The following ABCA9 variants were observed in gnomAD, a reference collection of about 807,000 sequenced individuals.
ABCA9 encodes ATP-binding cassette sub-family A member 9.
ABCA9 carries 183 observed loss-of-function variants against 205.3 expected under a neutral mutation model. The ratio of observed to expected loss-of-function variants is 0.89; its 90% CI spans 0.79 to 1.01. The LOEUF (loss-of-function observed/expected upper bound fraction) is 1.01. Among genes scored for constraint, ABCA9 ranks in the 50% least tolerant of loss-of-function variants. ABCA9 has a pLI of 0.00. For synonymous variants in ABCA9, 651 were observed against 683.3 expected (o/e 0.95, Z 0.74); for missense variants, 1,805 against 1,912.4 (o/e 0.94, Z 1.05).
chr17:68,989,848 AT>A lies in ABCA9; in HGVS notation c.3919del (p.Ile1307LeufsTer16), dbSNP rs1342264154. ...ACAAAAAGAGACATTTCTTGTGGCA[AT>A]TTTTTTCTTCCTTTTAGAAAAGCAA... ...KNCFSKRKKK[I>X]ATRNVSFCVK... On this transcript the variant is annotated frameshift_variant, in exon 30 of 39. Coordinates refer to ENST00000340001, the MANE Select transcript of ABCA9 (RefSeq NM_080283.4). LOFTEE classifies it high-confidence loss of function. 6.2e-7 allele frequency: 1 copy of A among 1,610,176 alleles called. No individual in the cohort carries two copies. Among genetic ancestry groups the A allele is most frequent in the Non-Finnish European group, 8.5e-7 (1 of 1,176,702 alleles).
At position 68,992,996 on chromosome 17, in the gene ABCA9, GA is replaced by G. The variant is rs752883559; in HGVS notation, c.3624+19del. On this transcript the variant is annotated intron_variant, in intron 27 of 38. Transcript: ENST00000340001. ...TTGTGTTCCCTCATGCAAGAATGTT[GA>G]AAAAAAAAGTCTTCTTACTATTAGC... 7.5e-5 allele frequency: 117 copies of G among 1,564,088 alleles called. No homozygotes were observed. Among genetic ancestry groups the G allele is most frequent in the African/African-American group, 1.4e-4 (10 of 72,176 alleles).
rs1401684099 is a variant in ABCA9 at position 69,014,320 on chromosome 17, T to A, written c.3039+1933A>T. Among the ~76,000 whole-genome samples, 10 of 151,684 alleles carry A rather than the reference T, an allele frequency of 6.6e-5. No homozygotes were observed. In the East Asian group the frequency reaches 1.9e-3, roughly 29 times the overall value. ...CACAGAGTTTATTAAAAACATTGAA[T>A]AAAAATATCTTCAGGCTCTGTGTAA... On this transcript the variant is annotated intron_variant, in intron 22 of 38. Transcript: ENST00000340001.
At chr17:69,017,868 C>T in intron 20 of ABCA9, 79 bp from the exon 21 acceptor site, 1 of 1,478,568 alleles carries the variant, frequency 6.8e-7, no homozygotes, top group East Asian at 2.3e-5. Context: ...CATTACATCA[C>T]ACAAAGCATA....
chr17:69,059,865 A>G (rs1414084152), intron 1 of ABCA9, among the ~76,000 whole-genome samples: 1 of 152,066 alleles, frequency 6.6e-6, no homozygotes, highest in Admixed American at 6.5e-5. Flanking sequence ...AAAGAAATTC[A>G]CCAGTGATGC....
At chr17:69,070,914 T>A in the ABCA9 span, among the ~76,000 whole-genome samples, 1,568 of 152,228 alleles carry the variant, frequency 0.01, 20 homozygotes, top group African/African-American at 0.035. Flanking sequence ...GGGAGGGGTG[T>A]CTGCCATTAC....
intron 2 of ABCA9, among the ~76,000 whole-genome samples, chr17:69,050,783 G>A (rs2071878009): frequency 6.6e-6 from 1 of 151,620 alleles, no homozygotes; most frequent in African/African-American, 2.4e-5. Context: ...ATTTTTCAAG[G>A]AGTTTCTGAA....
In ABCA9 at chr17:69,016,670, C is replaced by T. The variant is rs189978588; in HGVS notation, c.2902-280G>A. On this transcript the variant is annotated intron_variant, in intron 21 of 38. Transcript: ENST00000340001. ...CAAATGATATTTAGCAGCAACACTA[C>T]GAAACTCCATAGTGCAACCTCAGTT... is the stretch of plus-strand genomic sequence containing the variant. Among the ~76,000 whole-genome samples the T allele has an allele frequency of 1.5e-4, 23 of 152,206 alleles. No individual in the cohort carries two copies. The South Asian group carries it at 2.5e-3, about 16-fold the overall frequency.
intron 3 of ABCA9, 93 bp downstream of exon 3, chr17:69,049,190 T>C (rs2071818077): frequency 7.6e-7 from 1 of 1,319,694 alleles, no homozygotes; most frequent in African/African-American, 1.5e-5. Context: ...CTCTAGAAAC[T>C]TGAACATTCA....
At chr17:69,067,613 GAAAGAAAGAAGA>G in the ABCA9 span, among the ~76,000 whole-genome samples, 2 of 146,870 alleles carry the variant, frequency 1.4e-5, no homozygotes, top group African/African-American at 5.2e-5. Flanking sequence ...AAGAAAGAAA[GAAAGAAAGAAGA>G]AAGAAAGAAA....
Position 69,008,368 on chromosome 17 carries a change from C to G in ABCA9, c.3148-133G>C, listed in dbSNP as rs187927368. The G allele has an allele frequency of 6.4e-4, 462 of 726,012 alleles. 4 individuals carry two copies. In the African/African-American group the frequency reaches 7.8e-3, roughly 12 times the overall value. 45.0% of individuals were successfully genotyped at this position (726,012 alleles called of 1,614,324 possible). ...TATTATCCTGATTTAGCAAATGATA[C>G]CACCACTCGCCACACCCTTGTTCAG... On this transcript the variant is annotated intron_variant, in intron 23 of 38. Coordinates refer to ENST00000340001, the MANE Select transcript of ABCA9 (RefSeq NM_080283.4).
chr17:69,000,132 T>G (rs1442231040), intron 25 of ABCA9, among the ~76,000 whole-genome samples: 3 of 151,730 alleles, frequency 2.0e-5, no homozygotes, highest in Admixed American at 6.6e-5. Flanking sequence ...TTAGTTTAAT[T>G]AGATCCCATT....
At chr17:69,014,934 T>A (rs2070526556) in intron 22 of ABCA9, among the ~76,000 whole-genome samples, 1 of 152,102 alleles carries the variant, frequency 6.6e-6, no homozygotes, top group Non-Finnish European at 1.5e-5. Flanking sequence ...GGGGCCAAGC[T>A]AAACACCACC....
At chr17:68,993,246 G>A (rs535049801) in intron 26 of ABCA9, among the ~76,000 whole-genome samples, 162 bp from the exon 27 acceptor site, 2 of 152,336 alleles carry the variant, frequency 1.3e-5, no homozygotes, top group South Asian at 4.1e-4. Flanking sequence ...TGTGCAGTAT[G>A]TCTTCTTTGC....
At chr17:69,009,455 C>A (rs1262240404) in intron 23 of ABCA9, among the ~76,000 whole-genome samples, 1 of 152,092 alleles carries the variant, frequency 6.6e-6, no homozygotes, top group East Asian at 1.9e-4. Context: ...GCCAGTGTGG[C>A]TGGAGCATGG....
At chr17:69,058,931 A>G (rs974167788) in intron 1 of ABCA9, among the ~76,000 whole-genome samples, 2 of 152,130 alleles carry the variant, frequency 1.3e-5, no homozygotes, top group South Asian at 2.1e-4. Flanking sequence ...AGGCCACACA[A>G]TCATGGCTGA....
At chr17:69,035,878 T>C in intron 6 of ABCA9, 77 bp from the exon 7 acceptor site, 1 of 1,502,810 alleles carries the variant, frequency 6.7e-7, no homozygotes, top group Non-Finnish European at 8.9e-7. Context: ...AGCAAATGAT[T>C]TGTGAAGCTC....
chr17:69,008,365 A>T, intron 23 of ABCA9, 130 bp from the exon 24 acceptor site: 2 of 778,446 alleles, frequency 2.6e-6, no homozygotes, highest in Non-Finnish European at 4.3e-6. Context: ...TTAGCAAATG[A>T]TACCACCACT....
intron 10 of ABCA9, among the ~76,000 whole-genome samples, chr17:69,030,656 G>T (rs1435323248): frequency 1.3e-5 from 2 of 152,046 alleles, no homozygotes; most frequent in Non-Finnish European, 2.9e-5. Context: ...TCGTAGCCTT[G>T]GGCAAGTTGG....
At chr17:69,063,342 T>C (rs2072301815), upstream of ABCA9, among the ~76,000 whole-genome samples, 1 of 152,222 alleles carries the variant, frequency 6.6e-6, no homozygotes, top group South Asian at 2.1e-4. Context: ...GAATCTTTGC[T>C]GGCTATTTGT....
Sources: gnomAD v4.1 joint callset for allele counts (sites outside exome capture counted in the v4.1 genomes callset) on GRCh38, gnomAD v4.1.1 for gene constraint, MANE v1.5 for transcripts, NCBI Gene and HGNC (gene_info 2026-07-23, HGNC 2026-07-21) for gene names.